The following AGBL1 variants were observed in gnomAD, a reference collection of about 807,000 sequenced individuals.
AGBL1 encodes cytosolic carboxypeptidase 4.
A neutral mutation model predicts 118.9 loss-of-function variants in AGBL1; 130 were observed. The observed-to-expected ratio is 1.09, with a 90% CI of 0.95 to 1.26. The LOEUF (loss-of-function observed/expected upper bound fraction) is 1.26, where lower values mean the gene tolerates loss of function less well. Among genes scored for constraint, AGBL1 ranks in the 50% most tolerant of loss-of-function variants. The probability of loss-of-function intolerance (pLI) is 0.00; values close to 1 mark genes in which losing one functional copy is unlikely to be tolerated. For missense variants in AGBL1, 1,584 were observed against 1,298.1 expected (o/e 1.22, Z -3.38); for synonymous variants, 555 against 478.9 (o/e 1.16, Z -2.08).
intron 22 of AGBL1, among the ~76,000 whole-genome samples, chr15:86,798,980 T>C (rs941129186): frequency 6.6e-6 from 1 of 151,966 alleles, no homozygotes; most frequent in African/African-American, 2.4e-5. Flanking sequence ...ATTAAAATAA[T>C]AAATGTATTT....
At chr15:86,710,312 G>C (rs558303556) in intron 22 of AGBL1, among the ~76,000 whole-genome samples, 5 of 152,150 alleles carry the variant, frequency 3.3e-5, no homozygotes, top group South Asian at 2.1e-4. Flanking sequence ...GCTTTACTTA[G>C]TAAGACCTAT....
At chr15:86,680,367 G>A (rs2085930607) in intron 22 of AGBL1, among the ~76,000 whole-genome samples, 1 of 151,728 alleles carries the variant, frequency 6.6e-6, no homozygotes, top group Non-Finnish European at 1.5e-5. Flanking sequence ...TAATACATAT[G>A]TGAATATCCT....
At chr15:86,118,529 C>T (rs899619032) in intron 1 of AGBL1, among the ~76,000 whole-genome samples, 2 of 151,098 alleles carry the variant, frequency 1.3e-5, no homozygotes, top group Non-Finnish European at 2.9e-5. Context: ...TTTGGTTGCT[C>T]TAGGAGCTTC....
At chr15:86,554,930 A>C (rs561265753) in intron 21 of AGBL1, among the ~76,000 whole-genome samples, 1 of 152,308 alleles carries the variant, frequency 6.6e-6, no homozygotes, top group African/African-American at 2.4e-5. Context: ...CAGTGTGTAG[A>C]TATTGTTGGT....
At chr15:86,902,797 A>C (rs1473475692) in intron 22 of AGBL1, among the ~76,000 whole-genome samples, 1 of 152,114 alleles carries the variant, frequency 6.6e-6, no homozygotes, top group Non-Finnish European at 1.5e-5. Flanking sequence ...TCCCTATGGC[A>C]TTGTTCCCCT....
intron 22 of AGBL1, among the ~76,000 whole-genome samples, chr15:86,753,666 G>A (rs1321390268): frequency 6.6e-6 from 1 of 152,032 alleles, no homozygotes; most frequent in Non-Finnish European, 1.5e-5. Flanking sequence ...CCAAAGTGCT[G>A]GGAGTACAGG....
intron 5 of AGBL1, among the ~76,000 whole-genome samples, chr15:86,200,604 T>C (rs959739460): frequency 1.6e-4 from 21 of 127,850 alleles, no homozygotes; most frequent in African/African-American, 5.7e-4. Context: ...TAAGCAATCA[T>C]GAATCCTTTT....
At chr15:86,243,236 T>C (rs2078667092) in intron 6 of AGBL1, among the ~76,000 whole-genome samples, 1 of 152,234 alleles carries the variant, frequency 6.6e-6, no homozygotes. Flanking sequence ...GAATCATCAG[T>C]TGATCCTCAA....
chr15:86,546,237 G>A, intron 20 of AGBL1, 104 bp downstream of exon 20: 7 of 835,472 alleles, frequency 8.4e-6, no homozygotes, highest in Non-Finnish European at 1.1e-5. Flanking sequence ...TTTTTTTTTT[G>A]TAAATAAGCA....
intron 18 of AGBL1, among the ~76,000 whole-genome samples, chr15:86,436,065 C>T (rs1475663837): frequency 2.0e-5 from 3 of 148,106 alleles, no homozygotes. Context: ...AGCTTCTAAA[C>T]TTTCCATTCA....
chr15:86,469,112 C>T, intron 18 of AGBL1, among the ~76,000 whole-genome samples: 1 of 152,070 alleles, frequency 6.6e-6, no homozygotes, highest in Non-Finnish European at 1.5e-5. Context: ...TCTCTGATAG[C>T]AATTTTCAAG....
chr15:86,196,865 A>G (rs1423273057), intron 5 of AGBL1, among the ~76,000 whole-genome samples: 4 of 85,472 alleles, frequency 4.7e-5, no homozygotes, highest in African/African-American at 1.3e-4. Context: ...GAATGTGCAC[A>G]TGTGCGCGCG....
chr15:86,221,362 G>A (rs183975634), intron 5 of AGBL1, among the ~76,000 whole-genome samples: 1 of 152,222 alleles, frequency 6.6e-6, no homozygotes, highest in Admixed American at 6.5e-5. Flanking sequence ...AATGGGCTTG[G>A]CTCTTGGAGT....
chr15:86,444,151 C>G (rs1567263586), intron 18 of AGBL1, among the ~76,000 whole-genome samples: 1 of 152,168 alleles, frequency 6.6e-6, no homozygotes, highest in African/African-American at 2.4e-5. Context: ...GCCATTCTAA[C>G]TGGGGTAAGA....
At chr15:86,852,328 T>C (rs972453333) in intron 22 of AGBL1, among the ~76,000 whole-genome samples, 1 of 152,106 alleles carries the variant, frequency 6.6e-6, no homozygotes, top group Non-Finnish European at 1.5e-5. Context: ...GCTCCCACGA[T>C]CCAAACACCT....
intron 1 of AGBL1, among the ~76,000 whole-genome samples, chr15:86,121,540 A>G (rs1443610397): frequency 5.9e-5 from 9 of 152,240 alleles, no homozygotes; most frequent in Non-Finnish European, 1.3e-4. Flanking sequence ...TTAAAAACCA[A>G]AAAGATTAGA....
At chr15:86,356,904 G>A (rs936620087) in intron 17 of AGBL1, among the ~76,000 whole-genome samples, 3 of 152,176 alleles carry the variant, frequency 2.0e-5, no homozygotes, top group Non-Finnish European at 2.9e-5. Context: ...TACACAGTAA[G>A]CAACATACGT....
At position 86,210,849 on chromosome 15, in the gene AGBL1, T is replaced by G. The variant is rs978142514; in HGVS notation, c.489-14065T>G. Among the ~76,000 whole-genome samples, 11 of 152,310 alleles carry G rather than the reference T, an allele frequency of 7.2e-5. 1 individual carries two copies. The highest frequency in any genetic ancestry group is 2.6e-4 in the African/African-American group (11 of 41,574). ...GTCAGTGTCATTCTCCGTCCAGGTT[T>G]GTTCCGTTGTTGGTGAGGAGCTGCA... On this transcript the variant is annotated intron_variant, in intron 5 of 22. Coordinates refer to ENST00000614907, the MANE Select transcript of AGBL1 (RefSeq NM_001386094.1).
intron 18 of AGBL1, among the ~76,000 whole-genome samples, chr15:86,512,629 C>A (rs1382930040): frequency 6.6e-6 from 1 of 151,508 alleles, no homozygotes; most frequent in Admixed American, 6.6e-5. Flanking sequence ...TTCTTTTGAT[C>A]CTTGGCTTTT....
Sources: allele counts gnomAD v4.1 joint callset (sites outside exome capture counted in the v4.1 genomes callset), GRCh38; gene constraint gnomAD v4.1.1; transcripts MANE v1.5; gene names NCBI Gene and HGNC (gene_info 2026-07-23, HGNC 2026-07-21).